The following TP73 variants were observed in gnomAD, a reference collection of about 807,000 sequenced individuals.
TP73 encodes p53-like transcription factor.
Under a neutral mutation model 62.5 loss-of-function variants are expected in TP73, and 25 were observed. The ratio of observed to expected loss-of-function variants is 0.40; its 90% CI spans 0.29 to 0.56. TP73 has a LOEUF of 0.56. Among genes scored for constraint, TP73 ranks in the 20% least tolerant of loss-of-function variants. TP73 has a pLI of 0.46. For synonymous variants in TP73, 423 were observed against 377.5 expected, an observed-to-expected ratio of 1.12 and a Z score of -1.40; for missense variants, 754 against 913.3, an observed-to-expected ratio of 0.83 and a Z score of 2.25.
chr1:3,685,444 C>G (rs925428842), intron 3 of TP73, among the ~76,000 whole-genome samples: 17 of 152,216 alleles, frequency 1.1e-4, no homozygotes, highest in African/African-American at 4.1e-4. Context: ...TTCCTAGGTG[C>G]ACAGCTCGAC....
chr1:3,713,753 A>C (rs1223809133), intron 4 of TP73, among the ~76,000 whole-genome samples: 1 of 152,200 alleles, frequency 6.6e-6, no homozygotes, highest in Non-Finnish European at 1.5e-5. Flanking sequence ...CCGGCTGGAA[A>C]GAAAAGCATC....
intron 3 of TP73, among the ~76,000 whole-genome samples, chr1:3,704,165 C>T (rs1025012692): frequency 2.0e-5 from 3 of 152,226 alleles, no homozygotes; most frequent in African/African-American, 7.2e-5. Flanking sequence ...GTGTCGGCTC[C>T]GAGCCGTGTG....
chr1:3,730,173 C>T, intron 11 of TP73, 25 bp downstream of exon 11: 1 of 1,510,034 alleles, frequency 6.6e-7, no homozygotes, highest in South Asian at 1.2e-5. Flanking sequence ...CAGTGCGGGC[C>T]CACGGGCAGG....
chr1:3,690,890 C>T (rs1318816795), intron 3 of TP73: 4 of 1,569,828 alleles, frequency 2.5e-6, no homozygotes, highest in Non-Finnish European at 3.5e-6. Flanking sequence ...CGTGTGCAGA[C>T]CCCCCGGCGC....
chr1:3,685,302 C>T (rs1056945008), intron 3 of TP73, among the ~76,000 whole-genome samples: 5 of 152,156 alleles, frequency 3.3e-5, no homozygotes, highest in African/African-American at 4.8e-5. Flanking sequence ...GGGTCTGGTC[C>T]GAGCCCCCGC....
rs1054089380 is a variant in TP73, at chr1:3,670,439, T to G, written c.-33-11894T>G. On this transcript the variant is annotated intron_variant, in intron 1 of 13. Coordinates refer to ENST00000378295, the MANE Select transcript of TP73 (RefSeq NM_005427.4). This position sits in a 1 kb window ranked among gnomAD's most constrained non-coding sequence, Gnocchi z 5.9. ...CAGCACTCTGGGAGGCTGAGGCGGG[T>G]GGATCAACAGAGGTCAGGAGTTCGA... Among the ~76,000 whole-genome samples, 1 of 151,552 alleles carries G rather than the reference T, an allele frequency of 6.6e-6. No individual in the cohort carries two copies. The highest frequency in any genetic ancestry group is 2.4e-5 in the African/African-American group (1 of 41,222).
In TP73 at chr1:3,731,566, G is replaced by A. The variant is rs188504706; in HGVS notation, c.1578+10G>A. 4.2e-5 allele frequency: 67 copies of A among 1,613,108 alleles called. No homozygotes were observed. In the Admixed American group the frequency reaches 4.3e-4, roughly 10 times the overall value. ...GAACCTGACCATTGAGGTAACGCCC[G>A]GGTGGACCCCGCTCTGCAGAGGCAG... On this transcript the variant is annotated intron_variant, in intron 13 of 13. Coordinates refer to ENST00000378295, the MANE Select transcript of TP73 (RefSeq NM_005427.4).
At chr1:3,687,265 C>T (rs1217251928) in intron 3 of TP73, among the ~76,000 whole-genome samples, 1 of 152,196 alleles carries the variant, frequency 6.6e-6, no homozygotes, top group Admixed American at 6.5e-5. Context: ...TAAAACTGGC[C>T]CAGCCCCTGC....
At chr1:3,661,143 T>C (rs932595978) in intron 1 of TP73, among the ~76,000 whole-genome samples, 4 of 152,322 alleles carry the variant, frequency 2.6e-5, no homozygotes, top group South Asian at 4.1e-4. Context: ...CCCTTTAACA[T>C]TGGCAAAATA....
At chr1:3,678,685 C>A (rs906929303) in intron 1 of TP73, among the ~76,000 whole-genome samples, 1 of 152,234 alleles carries the variant, frequency 6.6e-6, no homozygotes, top group African/African-American at 2.4e-5. Context: ...GGGCCCCGAG[C>A]AGTGGCAAGG....
rs1057260728 is a variant in TP73 at position 3,670,571 on chromosome 1, C to G, written c.-33-11762C>G. Among the ~76,000 whole-genome samples, 1 of 151,988 alleles carries G rather than the reference C, an allele frequency of 6.6e-6. No individual in the cohort carries two copies. The highest frequency in any genetic ancestry group is 2.4e-5 in the African/African-American group (1 of 41,358). ...ATCCCAGCTACTGGGGAGGCTGAGT[C>G]AGAAGAATCATTTGAACCTGGAAGG... On this transcript the variant is annotated intron_variant, in intron 1 of 13. Coordinates refer to ENST00000378295, the MANE Select transcript of TP73 (RefSeq NM_005427.4). This position sits in a 1 kb window ranked among gnomAD's most constrained non-coding sequence, Gnocchi z 5.9.
Position 3,736,130 on chromosome 1 carries a change from G to C in TP73, c.*3051G>C, listed in dbSNP as rs1348373960. 1 of 152,234 alleles carries C rather than the reference G, an allele frequency of 6.6e-6. No individual in the cohort carries two copies. Among genetic ancestry groups the C allele is most frequent in the Non-Finnish European group, 1.5e-5 (1 of 68,036 alleles). The allele number at this position is 152,234 out of a possible 1,614,324, so 9.4% of individuals were successfully genotyped here. On this transcript the variant is annotated 3_prime_UTR_variant, in exon 14 of 14. Coordinates refer to ENST00000378295, the MANE Select transcript of TP73 (RefSeq NM_005427.4). ...TTTGGTAATGTAATCTTGGGAAAAT[G>C]TGTTATTTTTTTAGCTGTGTTTCAG...
chr1:3,721,366 C>T lies in TP73; in HGVS notation c.430-655C>T, dbSNP rs547821054. On this transcript the variant is annotated intron_variant, in intron 4 of 13. Coordinates refer to ENST00000378295, the MANE Select transcript of TP73 (RefSeq NM_005427.4). The stretch of plus-strand genomic sequence containing the variant: ...GGGGCTGTGAGCCCAGAGGGGCCCC[C>T]AGAGTGGCCAAGACCAAGCCACACA... Among the ~76,000 whole-genome samples the T allele has an allele frequency of 1.3e-3, 205 of 152,338 alleles. 1 individual carries two copies. Among genetic ancestry groups the T allele is most frequent in the African/African-American group, 3.9e-3 (163 of 41,590 alleles).
At chr1:3,687,585 C>A (rs1478355192) in intron 3 of TP73, among the ~76,000 whole-genome samples, 1 of 152,196 alleles carries the variant, frequency 6.6e-6, no homozygotes, top group Non-Finnish European at 1.5e-5. Context: ...AGACCTGCGG[C>A]CCTTGCTGGC....
rs1030198097 is a variant in TP73 at position 3,696,170 on chromosome 1, G to A, written c.187-11379G>A. On this transcript the variant is annotated intron_variant, in intron 3 of 13. Coordinates refer to ENST00000378295, the MANE Select transcript of TP73 (RefSeq NM_005427.4). This position sits in a 1 kb window ranked among gnomAD's most constrained non-coding sequence, Gnocchi z 4.1. Reference sequence around the variant, plus strand: ...TGTGACCACCTGGTGGCTCAGTCCTGTGTGCATCAGAGGAGGTGGTGGGTG... The same window carrying A: ...TGTGACCACCTGGTGGCTCAGTCCTATGTGCATCAGAGGAGGTGGTGGGTG... Among the ~76,000 whole-genome samples the A allele has an allele frequency of 6.6e-6, 1 of 152,186 alleles. No homozygotes were observed. The highest frequency in any genetic ancestry group is 6.5e-5 in the Admixed American group (1 of 15,282).
intron 1 of TP73, among the ~76,000 whole-genome samples, chr1:3,671,324 C>G (rs914042604): frequency 6.6e-6 from 1 of 152,178 alleles, no homozygotes; most frequent in Non-Finnish European, 1.5e-5. Flanking sequence ...GGTCCTGTAC[C>G]CTGTCCAGCT....
At chr1:3,694,805 T>C (rs12727450) in intron 3 of TP73, among the ~76,000 whole-genome samples, 493 of 37,892 alleles carry the variant, frequency 0.013, 11 homozygotes, top group Admixed American at 0.023. Context: ...CCTCAGACCC[T>C]TCCTCCCACA....
intron 4 of TP73, among the ~76,000 whole-genome samples, chr1:3,719,098 ACT>A (rs1384432794): frequency 6.6e-6 from 1 of 151,594 alleles, no homozygotes; most frequent in Non-Finnish European, 1.5e-5. Flanking sequence ...CGCCCCTGAG[ACT>A]CTGACCTGAG....
At chr1:3,676,083 C>T (rs532157166) in intron 1 of TP73, among the ~76,000 whole-genome samples, 3 of 138,344 alleles carry the variant, frequency 2.2e-5, no homozygotes, top group East Asian at 2.2e-4. Context: ...CCCATGGGGA[C>T]AAGAGATAGG....
Sources: gnomAD v4.1 joint callset for allele counts (sites outside exome capture counted in the v4.1 genomes callset) on GRCh38, gnomAD v4.1.1 for gene constraint, Gnocchi (gnomAD v3.1) non-coding constraint, MANE v1.5 for transcripts, NCBI Gene and HGNC (gene_info 2026-07-23, HGNC 2026-07-21) for gene names.